The following LOC122539214 variants were observed in gnomAD, a reference collection of about 807,000 sequenced individuals.
At chr19:52,654,069 T>C in the LOC122539214 span, 2 of 1,595,570 alleles carry the variant, frequency 1.3e-6, no homozygotes, top group South Asian at 2.2e-5. Flanking sequence ...GATTATCAAT[T>C]TTCCCTTCAG....
chr19:52,668,176 G>A, the LOC122539214 span, among the ~76,000 whole-genome samples: 8 of 152,106 alleles, frequency 5.3e-5, no homozygotes, highest in African/African-American at 9.7e-5. Context: ...TGGGGATGAC[G>A]TTCTCATCAA....
At chr19:52,689,726 C>T in the LOC122539214 span, among the ~76,000 whole-genome samples, 1 of 151,318 alleles carries the variant, frequency 6.6e-6, no homozygotes, top group African/African-American at 2.5e-5. Flanking sequence ...TTCTTCTTTT[C>T]TCTGTCTCAG....
chr19:52,682,850 C>T, the LOC122539214 span, among the ~76,000 whole-genome samples: 1 of 152,094 alleles, frequency 6.6e-6, no homozygotes, highest in African/African-American at 2.4e-5. Context: ...ACCTGGGCCA[C>T]AGAGCGACAC....
chr19:52,679,954 G>A, the LOC122539214 span, among the ~76,000 whole-genome samples: 18 of 152,272 alleles, frequency 1.2e-4, no homozygotes, highest in East Asian at 3.1e-3. Flanking sequence ...GCTGAGGCGG[G>A]TGGATCACCT....
chr19:52,658,481 G>A, the LOC122539214 span, among the ~76,000 whole-genome samples: 9 of 152,222 alleles, frequency 5.9e-5, no homozygotes, highest in East Asian at 1.9e-4. Context: ...TGAGAGAATC[G>A]CTTGAATCCA....
chr19:52,656,020 G>C, the LOC122539214 span, among the ~76,000 whole-genome samples: 2 of 152,014 alleles, frequency 1.3e-5, no homozygotes, highest in African/African-American at 2.4e-5. Context: ...AGACCACCCA[G>C]GGCAACATGG....
At chr19:52,676,519 C>T in the LOC122539214 span, among the ~76,000 whole-genome samples, 4 of 151,334 alleles carry the variant, frequency 2.6e-5, no homozygotes, top group African/African-American at 4.8e-5. Flanking sequence ...AGCCCCCGCC[C>T]GGCCAGCCGC....
At chr19:52,689,963 C>CGAG in the LOC122539214 span, among the ~76,000 whole-genome samples, 1,448 of 152,150 alleles carry the variant, frequency 9.5e-3, 11 homozygotes, top group African/African-American at 0.025. Flanking sequence ...GGGCCCGGCA[C>CGAG]GAGGAGGGAG....
the LOC122539214 span, among the ~76,000 whole-genome samples, chr19:52,683,530 G>GCGCGTCACCTGCTGGT: frequency 2.4e-5 from 2 of 83,582 alleles, no homozygotes; most frequent in East Asian, 2.9e-4. Flanking sequence ...CCAAAGGGAA[G>GCGCGTCACCTGCTGGT]GGCAAAGTCC....
At chr19:52,679,115 G>A in the LOC122539214 span, among the ~76,000 whole-genome samples, 1 of 152,168 alleles carries the variant, frequency 6.6e-6, no homozygotes, top group South Asian at 2.1e-4. Context: ...TGTTAAAAAT[G>A]AACAGTGACA....
the LOC122539214 span, chr19:52,655,733 TACCTTCAC>T: frequency 7.7e-6 from 6 of 779,032 alleles, no homozygotes; most frequent in African/African-American, 1.0e-4. Flanking sequence ...GAGGAGTCAT[TACCTTCAC>T]ACAAAATGAG....
At chr19:52,672,941 T>G in the LOC122539214 span, among the ~76,000 whole-genome samples, 1 of 152,144 alleles carries the variant, frequency 6.6e-6, no homozygotes, top group South Asian at 2.1e-4. Context: ...AAAAATAGAA[T>G]AAGACCTATT....
the LOC122539214 span, among the ~76,000 whole-genome samples, chr19:52,685,414 T>C: frequency 8.3e-4 from 127 of 152,256 alleles, no homozygotes; most frequent in Non-Finnish European, 1.4e-3. Context: ...ATCTTTCAAA[T>C]ACCTGGGCTA....
At chr19:52,671,111 C>A in the LOC122539214 span, among the ~76,000 whole-genome samples, 72 of 152,236 alleles carry the variant, frequency 4.7e-4, no homozygotes, top group Non-Finnish European at 6.8e-4. Context: ...ACAAACGATA[C>A]CTTTGAAGGA....
chr19:52,662,362 TC>T, the LOC122539214 span, among the ~76,000 whole-genome samples: 1 of 152,064 alleles, frequency 6.6e-6, no homozygotes, highest in African/African-American at 2.4e-5. Flanking sequence ...CTGTTTAATA[TC>T]CCAGCAGAGA....
At chr19:52,687,197 A>G in the LOC122539214 span, among the ~76,000 whole-genome samples, 2 of 148,026 alleles carry the variant, frequency 1.4e-5, no homozygotes, top group Non-Finnish European at 3.0e-5. Context: ...AAAAAAAAAA[A>G]GTACTATGTA....
chr19:52,664,129 C>G, the LOC122539214 span, among the ~76,000 whole-genome samples: 53 of 152,182 alleles, frequency 3.5e-4, 1 homozygote, highest in African/African-American at 1.0e-3. Context: ...GGTGATCCAC[C>G]AGCCTTGGCC....
At chr19:52,682,845 G>A in the LOC122539214 span, among the ~76,000 whole-genome samples, 2 of 152,006 alleles carry the variant, frequency 1.3e-5, no homozygotes, top group African/African-American at 2.4e-5. Context: ...TCCAGACCTG[G>A]GCCACAGAGC....
the LOC122539214 span, chr19:52,652,661 G>T: frequency 5.5e-6 from 3 of 547,812 alleles, no homozygotes; most frequent in South Asian, 1.5e-5. Context: ...TCTTCATTAT[G>T]GATTCTCTAA....
Sources: allele counts gnomAD v4.1 joint callset (sites outside exome capture counted in the v4.1 genomes callset), GRCh38; gene constraint gnomAD v4.1.1; transcripts MANE v1.5.